The following MAN2A2 variants were observed in gnomAD, a reference collection of about 807,000 sequenced individuals.
The protein encoded by MAN2A2 is mannosidase alpha class 2A member 2.
MAN2A2 carries 79 observed loss-of-function variants against 126.8 expected under a neutral mutation model. The ratio of observed to expected loss-of-function variants is 0.62; its 90% CI spans 0.52 to 0.75. The LOEUF is 0.75. Ranked by LOEUF, MAN2A2 falls within the 30% of genes least tolerant of loss-of-function variation. MAN2A2 has a pLI of 0.00. For synonymous variants in MAN2A2, 671 were observed against 618.7 expected (o/e 1.08, Z -1.25); for missense variants, 1,392 against 1,522.4 (o/e 0.91, Z 1.43).
chr15:90,909,490 A>G lies in MAN2A2; in HGVS notation c.1360A>G (p.Asn454Asp), dbSNP rs184915505. The G allele has an allele frequency of 6.2e-7, 1 of 1,613,608 alleles. No individual in the cohort carries two copies. The highest frequency in any genetic ancestry group is 8.5e-7 in the Non-Finnish European group (1 of 1,179,622). ...RLFDFFNSRP[N>D]LHVQAQFGTL... is the part of the protein sequence containing the mutation. ...CTTTGACTTCTTCAACAGCAGGCCT[A>G]ACCTCCATGTGCAGGTGTGAGGGGC... The change falls in exon 9 of 23, where the codon AAC (asparagine) becomes GAC (aspartate). Residue 454 changes from asparagine (N) to aspartate (D), a missense_variant. Physicochemically the swap from Asn to Asp is conservative, Grantham distance 23. Transcript: ENST00000559717.
chr15:90,913,527 G>C, intron 18 of MAN2A2, 87 bp from the exon 19 acceptor site: 1 of 1,563,040 alleles, frequency 6.4e-7, no homozygotes, highest in Non-Finnish European at 8.7e-7. Flanking sequence ...GAGAGGCGAA[G>C]AGTTATCGGG....
chr15:90,903,788 CTT>C lies in MAN2A2; in HGVS notation c.-19+358_-19+359del, dbSNP rs2034025676. The C allele has an allele frequency of 5.8e-5, 18 of 312,914 alleles. 1 individual carries two copies. Among genetic ancestry groups the C allele is most frequent in the South Asian group, 4.9e-4 (18 of 36,720 alleles). The allele number at this position is 312,914 out of a possible 1,614,324, so 19.4% of individuals were successfully genotyped here. A position where few individuals can be genotyped will look rare whatever the true frequency, so the allele number is the denominator to read the frequency against. On this transcript the variant is annotated intron_variant, in intron 1 of 22. Coordinates refer to ENST00000559717, the MANE Select transcript of MAN2A2 (RefSeq NM_006122.4). ...CTGAGAAAGGCTTTCCTATCAGTCT[CTT>C]TGGGTTCTGGCTAAACTTTTAAATC...
Position 90,922,349 on chromosome 15 carries a change from C to G in MAN2A2, c.*2562C>G, listed in dbSNP as rs1224741081. The G allele has an allele frequency of 6.6e-6, 1 of 152,128 alleles. No individual in the cohort carries two copies. The highest frequency in any genetic ancestry group is 1.5e-5 in the Non-Finnish European group (1 of 68,026). 9.4% of individuals were successfully genotyped at this position (152,128 alleles called of 1,614,324 possible). On this transcript the variant is annotated 3_prime_UTR_variant, in exon 23 of 23. Transcript: ENST00000559717. ...GCCCGTATTAGGCCACACAGTGGAA[C>G]CCCATTTATATCATAGCAGAAGAAA... is the stretch of plus-strand genomic sequence containing the variant.
intron 6 of MAN2A2, 24 bp from the exon 7 acceptor site, chr15:90,906,716 C>G (rs1254703790): frequency 6.2e-7 from 1 of 1,607,956 alleles, no homozygotes; most frequent in Middle Eastern, 1.7e-4. Flanking sequence ...TTCAGGGCCT[C>G]TCTGGCTTCC....
In MAN2A2 at chr15:90,905,280, T is replaced by C. The variant is rs2034176227; in HGVS notation, c.162T>C (p.Ile54=). 1.9e-6 allele frequency: 3 copies of C among 1,613,584 alleles called. No individual in the cohort carries two copies. The highest frequency in any genetic ancestry group is 2.5e-6 in the Non-Finnish European group (3 of 1,180,014). ...RSQISVLQNR[I]EQLEQLLEEN... is the part of the protein sequence containing the mutation. ...AAATTTCTGTGCTGCAGAACCGCAT[T>C]GAGCAGCTGGAGCAGCTTTTGGAGG... Residue 54 remains isoleucine (I), a synonymous_variant, in exon 3 of 23, where the codon ATT becomes ATC. Coordinates refer to ENST00000559717, the MANE Select transcript of MAN2A2 (RefSeq NM_006122.4).
In MAN2A2 at chr15:90,911,526, C is replaced by A; in HGVS notation, c.2085C>A (p.Thr695=). The part of the protein sequence containing the change: ...VQISAHWSSA[T]EAVPDVYQVS... Reference sequence around the variant, plus strand: ...TCAGCGCACACTGGAGCTCTGCCACCGAGGCGGTCCCTGACGTCTACCAGG... The same window carrying A: ...TCAGCGCACACTGGAGCTCTGCCACAGAGGCGGTCCCTGACGTCTACCAGG... The change falls in exon 14 of 23, where the codon ACC becomes ACA. Residue 695 remains threonine, a synonymous_variant. Coordinates refer to ENST00000559717, the MANE Select transcript of MAN2A2 (RefSeq NM_006122.4). 1 of 1,613,258 alleles carries A rather than the reference C, an allele frequency of 6.2e-7. No individual in the cohort carries two copies.
At chr15:90,919,363 C>T (rs557405172) in intron 22 of MAN2A2, among the ~76,000 whole-genome samples, 6 of 152,324 alleles carry the variant, frequency 3.9e-5, no homozygotes, top group East Asian at 3.9e-4. Flanking sequence ...CTCAGCCTCC[C>T]GAGTAGCTGG....
At chr15:90,911,317 A>G (rs1278566345) in intron 13 of MAN2A2, 68 bp from the exon 14 acceptor site, 1 of 1,613,124 alleles carries the variant, frequency 6.2e-7, no homozygotes, top group South Asian at 1.1e-5. Context: ...CATGTGCTGA[A>G]CCAGTGCAGG....
At position 90,912,879 on chromosome 15, in the gene MAN2A2, C is replaced by T. The variant is rs1250853399; in HGVS notation, c.2472C>T (p.Pro824=). ...ACAGCAATCTGCTCTTTCTCTAGCC[C>T]TACGTCCCCAAGGAGCCCCCCGTGC... ...YLFLPDGEAK[P]YVPKEPPVLR... The change falls in exon 17 of 23, where the codon CCC becomes CCT. Residue 824 remains proline, a splice_region_variant and synonymous_variant. Transcript: ENST00000559717. The T allele has an allele frequency of 6.8e-6, 11 of 1,613,254 alleles. No homozygotes were observed. Among genetic ancestry groups the T allele is most frequent in the Non-Finnish European group, 8.5e-6 (10 of 1,179,418 alleles).
At chr15:90,910,004 C>T (rs761512584) in intron 9 of MAN2A2, 86 bp from the exon 10 acceptor site, 133 of 1,227,802 alleles carry the variant, frequency 1.1e-4, no homozygotes, top group Non-Finnish European at 1.5e-4. Context: ...GCCAGAGCCC[C>T]TGCCTCACCC....
intron 19 of MAN2A2, among the ~76,000 whole-genome samples, chr15:90,914,324 G>A (rs1215074542): frequency 1.3e-5 from 2 of 151,848 alleles, no homozygotes; most frequent in African/African-American, 2.4e-5. Context: ...GCAAGACCCA[G>A]TCTGAAAAAA....
chr15:90,905,598 A>G lies in MAN2A2; in HGVS notation c.410A>G (p.Glu137Gly). 1 of 1,614,142 alleles carries G rather than the reference A, an allele frequency of 6.2e-7. No individual in the cohort carries two copies. Among genetic ancestry groups the G allele is most frequent in the Non-Finnish European group, 8.5e-7 (1 of 1,180,028 alleles). ...TGGCAGATGCTCACTGTGTCGGAGG[A>G]GCTGCCGTTTGACAACGTGGATGGT... ...PELQMLTVSE[E>G]LPFDNVDGGV... is the part of the protein sequence containing the mutation. The change falls in exon 4 of 23, where the codon GAG becomes GGG. Residue 137 changes from glutamate (E) to glycine (G), a missense_variant. Physicochemically the swap from Glu to Gly is moderately conservative, Grantham distance 98. Transcript: ENST00000559717.
intron 6 of MAN2A2, 82 bp downstream of exon 6, chr15:90,906,579 G>A: frequency 1.2e-6 from 2 of 1,604,340 alleles, no homozygotes; most frequent in Non-Finnish European, 8.5e-7. Flanking sequence ...GGATCGGCAG[G>A]GGGTGGTTCC....
intron 20 of MAN2A2, chr15:90,916,783 C>T: frequency 3.0e-6 from 2 of 676,246 alleles, no homozygotes; most frequent in Non-Finnish European, 4.6e-6. Flanking sequence ...ACCTGCTTTA[C>T]TGTGAGGACC....
Position 90,918,527 on chromosome 15 carries a change from G to A in MAN2A2, c.3190-118G>A, listed in dbSNP as rs2035359231. ...CTCCAAACCTCCAGGACCAGGTTTTGGCCTTTCCTTACCCACACGCCTCCC... is the reference window on the plus strand; with the variant it reads ...CTCCAAACCTCCAGGACCAGGTTTTAGCCTTTCCTTACCCACACGCCTCCC... On this transcript the variant is annotated intron_variant, in intron 21 of 22. Coordinates refer to ENST00000559717, the MANE Select transcript of MAN2A2 (RefSeq NM_006122.4). 44 of 1,243,780 alleles carry A rather than the reference G, an allele frequency of 3.5e-5. 1 individual carries two copies. The South Asian group carries it at 5.8e-4, about 16-fold the overall frequency. 77.0% of individuals were successfully genotyped at this position (1,243,780 alleles called of 1,614,324 possible). A position where few individuals can be genotyped will look rare whatever the true frequency, so the allele number is the denominator to read the frequency against.
In MAN2A2 at chr15:90,916,211, C is replaced by A. The variant is rs367749598; in HGVS notation, c.2949C>A (p.Cys983Ter). The A allele has an allele frequency of 1.5e-5, 25 of 1,614,064 alleles. No individual in the cohort carries two copies. Among genetic ancestry groups the A allele is most frequent in the Non-Finnish European group, 1.8e-5 (21 of 1,180,044 alleles). Residue 983 changes from cysteine to a stop codon, truncating the protein, a stop_gained, in exon 20 of 23, where the codon TGC becomes TGA. Transcript: ENST00000559717. LOFTEE classifies it high-confidence loss of function. ...GQGLKDNKRTCNRFRLLLERR... is the reference protein window; with the variant it reads ...GQGLKDNKRT Reference sequence around the variant, plus strand: ...GGCTCAAGGACAACAAGAGAACCTGCAACCGTTTCCGCCTCCTGCTAGAGC... The same window carrying A: ...GGCTCAAGGACAACAAGAGAACCTGAAACCGTTTCCGCCTCCTGCTAGAGC...
Position 90,918,696 on chromosome 15 carries a change from T to C in MAN2A2, c.3241T>C (p.Phe1081Leu). 1 of 1,521,838 alleles carries C rather than the reference T, an allele frequency of 6.6e-7. No homozygotes were observed. The highest frequency in any genetic ancestry group is 2.3e-5 in the East Asian group (1 of 44,418). 94.3% of individuals were successfully genotyped at this position (1,521,838 alleles called of 1,614,324 possible). ...CGCACTCATCTTACACCGCAAGGGT[T>C]TTGACTGCGGCCTGGAGGCCAAGAA... ...ETALILHRKGFDCGLEAKNLG... is the reference protein window; with the variant it reads ...ETALILHRKGLDCGLEAKNLG... The change falls in exon 22 of 23, where the codon TTT (phenylalanine) becomes CTT (leucine). Residue 1081 changes from phenylalanine (F) to leucine (L), a missense_variant. Physicochemically the swap from Phe to Leu is conservative, Grantham distance 22 (BLOSUM62 0). Coordinates refer to ENST00000559717, the MANE Select transcript of MAN2A2 (RefSeq NM_006122.4).
chr15:90,913,874 T>C (rs1178099855), intron 19 of MAN2A2, 119 bp downstream of exon 19: 2 of 1,313,698 alleles, frequency 1.5e-6, no homozygotes, highest in African/African-American at 1.5e-5. Flanking sequence ...ATCACCTCCA[T>C]GCTTGGAGAG....
chr15:90,913,827 C>T, intron 19 of MAN2A2, 72 bp downstream of exon 19: 2 of 1,486,672 alleles, frequency 1.3e-6, no homozygotes, highest in Non-Finnish European at 1.8e-6. Context: ...CAAGGGCTCC[C>T]CGCTCTGTTG....
Sources: allele counts gnomAD v4.1 joint callset (sites outside exome capture counted in the v4.1 genomes callset), GRCh38; gene constraint gnomAD v4.1.1; transcripts MANE v1.5; gene names NCBI Gene and HGNC (gene_info 2026-07-23, HGNC 2026-07-21).